Variants in CORO2B observed in about 807,000 individuals in gnomAD.
The protein encoded by CORO2B is coronin-2B.
A neutral mutation model predicts 58.8 loss-of-function variants in CORO2B; 26 were observed. The observed-to-expected ratio is 0.44, with a 90% confidence interval of 0.32 to 0.61. The LOEUF is 0.61. CORO2B is among the 20% of genes least tolerant of loss of function. The probability of loss-of-function intolerance (pLI) is 0.04; values close to 1 mark genes in which losing one functional copy is unlikely to be tolerated. For missense variants in CORO2B, 460 were observed against 645.1 expected (o/e 0.71, Z 3.11); for synonymous variants, 242 against 253.8 (o/e 0.95, Z 0.44).
At chr15:68,526,198 C>T in the CORO2B span, among the ~76,000 whole-genome samples, 2 of 152,054 alleles carry the variant, frequency 1.3e-5, no homozygotes, top group Non-Finnish European at 2.9e-5. Flanking sequence ...GGTTGGTTTT[C>T]GTTTTTGGTT....
chr15:68,551,686 A>G, the CORO2B span, among the ~76,000 whole-genome samples: 5 of 152,210 alleles, frequency 3.3e-5, no homozygotes, highest in Admixed American at 2.6e-4. Flanking sequence ...GAAGATGGAC[A>G]AAGGCCTGGC....
chr15:68,619,365 A>G (rs1281210353), intron 1 of CORO2B, among the ~76,000 whole-genome samples: 1 of 152,218 alleles, frequency 6.6e-6, no homozygotes, highest in Non-Finnish European at 1.5e-5. Context: ...AGAAGGATGT[A>G]AATAAAATAC....
chr15:68,644,724 C>T (rs1901366165), intron 1 of CORO2B, among the ~76,000 whole-genome samples: 1 of 152,130 alleles, frequency 6.6e-6, no homozygotes, highest in Non-Finnish European at 1.5e-5. Context: ...CTGCTGTGGG[C>T]CCTGTCCTCA....
chr15:68,606,137 A>G lies in CORO2B; in HGVS notation c.15+26860A>G, dbSNP rs115239156. Among the ~76,000 whole-genome samples, 1,115 of 152,216 alleles carry G rather than the reference A, an allele frequency of 7.3e-3. 20 individuals carry two copies. The highest frequency in any genetic ancestry group is 0.025 in the African/African-American group (1,057 of 41,516). On this transcript the variant is annotated intron_variant, in intron 1 of 11. Coordinates refer to ENST00000261861, the MANE Select transcript of CORO2B (RefSeq NM_006091.5). ...AGAAGACCAGTAGTTTAGCTCTACCATGTTAGGTCAAAGGTGACTGCAAGA... is the reference window on the plus strand; with the variant it reads ...AGAAGACCAGTAGTTTAGCTCTACCGTGTTAGGTCAAAGGTGACTGCAAGA...
intron 1 of CORO2B, among the ~76,000 whole-genome samples, chr15:68,619,669 G>A (rs982724454): frequency 6.6e-6 from 1 of 152,036 alleles, no homozygotes; most frequent in African/African-American, 2.4e-5. Context: ...GTGTAAATGT[G>A]TGTGTGTGTG....
intron 1 of CORO2B, among the ~76,000 whole-genome samples, chr15:68,610,256 G>C (rs994794370): frequency 6.6e-6 from 1 of 152,144 alleles, no homozygotes; most frequent in South Asian, 2.1e-4. Flanking sequence ...CATAGGACGA[G>C]ACAGGTTCTC....
intron 2 of CORO2B, among the ~76,000 whole-genome samples, chr15:68,689,373 C>T (rs914428521): frequency 1.3e-5 from 2 of 151,720 alleles, no homozygotes; most frequent in East Asian, 3.9e-4. Flanking sequence ...ACCATCTGAA[C>T]AGTCATTGTA....
intron 2 of CORO2B, among the ~76,000 whole-genome samples, chr15:68,663,914 T>G (rs1184565400): frequency 6.6e-6 from 1 of 152,238 alleles, no homozygotes; most frequent in Non-Finnish European, 1.5e-5. Flanking sequence ...GTTTATATGC[T>G]TTGTTCATCA....
chr15:68,669,308 A>G (rs913069755), intron 2 of CORO2B, among the ~76,000 whole-genome samples: 2 of 152,204 alleles, frequency 1.3e-5, no homozygotes, highest in African/African-American at 4.8e-5. Flanking sequence ...TGGAGCCTTT[A>G]TCTCTCAGGA....
intron 3 of CORO2B, among the ~76,000 whole-genome samples, chr15:68,697,473 G>T (rs1040273843): frequency 5.3e-5 from 8 of 152,182 alleles, no homozygotes; most frequent in African/African-American, 1.9e-4. Context: ...TCACACGCTG[G>T]GGGTGAGGTC....
At chr15:68,681,092 A>G (rs1375431650) in intron 2 of CORO2B, among the ~76,000 whole-genome samples, 1 of 151,840 alleles carries the variant, frequency 6.6e-6, no homozygotes, top group Non-Finnish European at 1.5e-5. Flanking sequence ...AGGTGCCTGT[A>G]ATCCCAGCTA....
Position 68,725,952 on chromosome 15 carries a change from G to A in CORO2B, c.1421G>A (p.Arg474His), listed in dbSNP as rs1274742263. The A allele has an allele frequency of 1.4e-5, 22 of 1,613,726 alleles. No individual in the cohort carries two copies. Among genetic ancestry groups the A allele is most frequent in the East Asian group, 6.7e-5 (3 of 44,888 alleles). Residue 474 changes from arginine (R) to histidine (H), a missense_variant, in exon 12 of 12, where the codon CGC (arginine) becomes CAC (histidine). Arg to His is a conservative substitution (Grantham distance 29, BLOSUM62 0). This residue lies in a region of CORO2B where 108 missense variants were observed against 102.1 expected (regional missense o/e 1.06). Transcript: ENST00000261861. ...CTCCAGCTGGAACTGAAAAACTTGC[G>A]CAACAGCCCCAAGAACTGTTAGCTC... ...RQLQLELKNL[R>H]NSPKNC
intron 3 of CORO2B, among the ~76,000 whole-genome samples, chr15:68,706,789 A>C (rs1214742518): frequency 6.6e-6 from 1 of 152,002 alleles, no homozygotes; most frequent in Admixed American, 6.6e-5. Flanking sequence ...AGCTCACTGC[A>C]GCCTCGTCTT....
intron 2 of CORO2B, among the ~76,000 whole-genome samples, chr15:68,666,743 C>T (rs1270721315): frequency 3.3e-5 from 5 of 152,142 alleles, no homozygotes; most frequent in African/African-American, 1.2e-4. Flanking sequence ...CCTCTCTAAG[C>T]CCATGTGCTG....
intron 1 of CORO2B, among the ~76,000 whole-genome samples, chr15:68,611,626 C>T (rs1566984766): frequency 6.6e-6 from 1 of 152,098 alleles, no homozygotes; most frequent in Non-Finnish European, 1.5e-5. Flanking sequence ...GTCAGTTCTA[C>T]AATTGATTGA....
chr15:68,644,379 G>A (rs1266973843), intron 1 of CORO2B, among the ~76,000 whole-genome samples: 3 of 152,192 alleles, frequency 2.0e-5, no homozygotes, highest in African/African-American at 7.2e-5. Context: ...TCTTATAAAT[G>A]ACATAGGAAG....
At chr15:68,565,987 C>T in the CORO2B span, among the ~76,000 whole-genome samples, 2 of 152,208 alleles carry the variant, frequency 1.3e-5, no homozygotes, top group African/African-American at 4.8e-5. Context: ...ATTCCCGCAG[C>T]CCCATCTTTC....
At chr15:68,627,511 C>CT in intron 1 of CORO2B, among the ~76,000 whole-genome samples, 1 of 152,182 alleles carries the variant, frequency 6.6e-6, no homozygotes, top group East Asian at 1.9e-4. Flanking sequence ...TCTTTGGACT[C>CT]TCTTGGGGTT....
chr15:68,711,429 C>T, intron 4 of CORO2B, 113 bp from the exon 5 acceptor site: 2 of 862,322 alleles, frequency 2.3e-6, no homozygotes, highest in Non-Finnish European at 3.5e-6. Context: ...CCCCAGCACA[C>T]CCCAGGCCCT....
Sources: gnomAD v4.1 joint callset for allele counts (sites outside exome capture counted in the v4.1 genomes callset) on GRCh38, gnomAD v4.1.1 for gene constraint, gnomAD v4.1.1 regional missense constraint, MANE v1.5 for transcripts, NCBI Gene and HGNC (gene_info 2026-07-23, HGNC 2026-07-21) for gene names.